Variants in PLG observed in about 807,000 individuals in gnomAD.
The protein encoded by PLG is plasminogen, also known as plasmin.
Under a neutral mutation model 104.4 loss-of-function variants are expected in PLG, and 41 were observed. That is an observed-to-expected ratio of 0.39 (90% CI 0.31 to 0.51). The LOEUF is 0.51. Ranked by LOEUF, PLG falls within the 20% of genes least tolerant of loss-of-function variation. PLG has a pLI of 0.76. For missense variants in PLG, 891 were observed against 1,003.6 expected, an observed-to-expected ratio of 0.89 and a Z score of 1.52; for synonymous variants, 337 against 357.1, an observed-to-expected ratio of 0.94 and a Z score of 0.63.
chr6:160,748,447 G>GAAAGAAAGAAA (rs1491160827), intron 17 of PLG, among the ~76,000 whole-genome samples: 1 of 36,020 alleles, frequency 2.8e-5, no homozygotes, highest in African/African-American at 1.3e-4. Flanking sequence ...AAAGAAGGGA[G>GAAAGAAAGAAA]GGAGGGAGGG....
chr6:160,711,796 C>G, intron 4 of PLG: 1 of 1,556,300 alleles, frequency 6.4e-7, no homozygotes, highest in South Asian at 1.2e-5. Flanking sequence ...GTAAGCATAT[C>G]AGGTTAGAAC....
rs575661029 is a variant in PLG at position 160,734,973 on chromosome 6, G to A, written c.1681+885G>A. Among the ~76,000 whole-genome samples the A allele has an allele frequency of 3.5e-4, 54 of 152,162 alleles. 1 individual carries two copies. The highest frequency in any genetic ancestry group is 1.3e-3 in the African/African-American group (52 of 41,478). On this transcript the variant is annotated intron_variant, in intron 13 of 18. Coordinates refer to ENST00000308192, the MANE Select transcript of PLG (RefSeq NM_000301.5). The surrounding 1 kb of genome is among the most constrained non-coding windows in gnomAD (Gnocchi z 4.4). The stretch of plus-strand genomic sequence containing the variant: ...GCATCCTGAGATTGCCTGGGAAGGT[G>A]GTACAGGGCAGTGATGAAGATCATG...
chr6:160,745,568 A>C (rs950912667), intron 17 of PLG, among the ~76,000 whole-genome samples: 3 of 152,156 alleles, frequency 2.0e-5, no homozygotes, highest in Non-Finnish European at 4.4e-5. Context: ...GGTCTCTTGA[A>C]GGTAGCATAC....
chr6:160,707,780 G>C lies in PLG; in HGVS notation c.266G>C (p.Arg89Thr), dbSNP rs143079629. The change falls in exon 3 of 19, where the codon AGA becomes ACA. Residue 89 changes from arginine to threonine, a missense_variant. By Grantham distance (71) the Arg-to-Thr change is moderately conservative. This residue lies in a region of PLG where 854 missense variants were observed against 932.1 expected (regional missense o/e 0.92). Coordinates refer to ENST00000308192, the MANE Select transcript of PLG (RefSeq NM_000301.5). ...NRKSSIIIRM[R>T]DVVLFEKKVY... ...AAGTCCTCCATAATCATTAGGATGA[G>C]AGATGTAGTTTTATTTGAAAAGAAA... 3.7e-6 allele frequency: 6 copies of C among 1,611,304 alleles called. No homozygotes were observed. Among genetic ancestry groups the C allele is most frequent in the Middle Eastern group, 2.2e-4 (1 of 4,452 alleles).
intron 2 of PLG, 103 bp downstream of exon 2, chr6:160,706,645 G>C (rs2115150713): frequency 8.3e-7 from 1 of 1,198,754 alleles, no homozygotes; most frequent in Non-Finnish European, 1.2e-6. Flanking sequence ...GAAATTTATG[G>C]AGCCAGAGTT....
Position 160,752,784 on chromosome 6 carries a change from T to C in PLG, c.2272-116T>C. ...ATGCTTGAGTAATATGCTCATAAGT[T>C]CCTTTCTGATTTCAATTACTGGGAA... is the stretch of plus-strand genomic sequence containing the variant. On this transcript the variant is annotated intron_variant, in intron 18 of 18. Transcript: ENST00000308192. This position sits in a 1 kb window ranked among gnomAD's most constrained non-coding sequence, Gnocchi z 4.7. 7.9e-7 allele frequency: 1 copy of C among 1,271,154 alleles called. No individual in the cohort carries two copies. The highest frequency in any genetic ancestry group is 1.1e-6 in the Non-Finnish European group (1 of 873,414). 78.7% of individuals were successfully genotyped at this position (1,271,154 alleles called of 1,614,324 possible).
At chr6:160,714,642 CCAATTT>C in intron 5 of PLG, 146 bp from the exon 6 acceptor site, 1 of 400,320 alleles carries the variant, frequency 2.5e-6, no homozygotes. Context: ...GTCCTTATTG[CCAATTT>C]TATTGCCAAG....
rs1252256392 is a variant in PLG at position 160,731,085 on chromosome 6, G to A, written c.1291G>A (p.Ala431Thr). 2 of 1,614,058 alleles carry A rather than the reference G, an allele frequency of 1.2e-6. No homozygotes were observed. Among genetic ancestry groups the A allele is most frequent in the Middle Eastern group, 1.7e-4 (1 of 6,048 alleles). Residue 431 changes from alanine (A) to threonine (T), a missense_variant, in exon 11 of 19, where the codon GCC becomes ACC. Coordinates refer to ENST00000308192, the MANE Select transcript of PLG (RefSeq NM_000301.5). The surrounding 1 kb of genome is among the most constrained non-coding windows in gnomAD (Gnocchi z 5.1). ...LTMNYCRNPD[A>T]DKGPWCFTTD... ...AATGAACTACTGCAGGAATCCAGAT[G>A]CCGATAAAGGCCCCTGGTGTTTTAC...
At chr6:160,743,438 G>A (rs1467165545) in intron 17 of PLG, among the ~76,000 whole-genome samples, 1 of 152,126 alleles carries the variant, frequency 6.6e-6, no homozygotes, top group Non-Finnish European at 1.5e-5. Flanking sequence ...ATGGGACTGT[G>A]TTCCTGATTT....
Position 160,718,633 on chromosome 6 carries a change from C to A in PLG, c.951-60C>A. The A allele has an allele frequency of 2.6e-6, 4 of 1,552,822 alleles. No homozygotes were observed. In the East Asian group the frequency reaches 6.7e-5, roughly 26 times the overall value. The stretch of plus-strand genomic sequence containing the variant: ...TTTCCCGTAACGGTTGTTCTCAAAG[C>A]GTGGTTCCCTAGACTTTTTTCTTTT... On this transcript the variant is annotated intron_variant, in intron 8 of 18. Coordinates refer to ENST00000308192, the MANE Select transcript of PLG (RefSeq NM_000301.5).
At position 160,704,609 on chromosome 6, in the gene PLG, C is replaced by T. The variant is rs565499618; in HGVS notation, c.50-1798C>T. Among the ~76,000 whole-genome samples the T allele has an allele frequency of 7.9e-5, 12 of 152,270 alleles. No individual in the cohort carries two copies. The East Asian group carries it at 2.1e-3, about 27-fold the overall frequency. ...TGCGGGGTAAAGACATGGATATGGG[C>T]CTAAAGCATCTATTTCTTTGTGATC... On this transcript the variant is annotated intron_variant, in intron 1 of 18. Coordinates refer to ENST00000308192, the MANE Select transcript of PLG (RefSeq NM_000301.5).
In PLG at chr6:160,735,038, G is replaced by C. The variant is rs59266595; in HGVS notation, c.1681+950G>C. On this transcript the variant is annotated intron_variant, in intron 13 of 18. Coordinates refer to ENST00000308192, the MANE Select transcript of PLG (RefSeq NM_000301.5). This position sits in a 1 kb window ranked among gnomAD's most constrained non-coding sequence, Gnocchi z 5.4. ...CAGCTTCGCATTTGGGCTTCTCCTA[G>C]GGACACCAAGAGGGAGGAAGGAGGG... is the stretch of plus-strand genomic sequence containing the variant. Among the ~76,000 whole-genome samples the C allele has an allele frequency of 3.4e-5, 5 of 148,848 alleles. No individual in the cohort carries two copies. The highest frequency in any genetic ancestry group is 4.4e-5 in the Non-Finnish European group (3 of 67,888).
At chr6:160,714,024 G>A (rs1020305810) in intron 5 of PLG, among the ~76,000 whole-genome samples, 1 of 152,122 alleles carries the variant, frequency 6.6e-6, no homozygotes, top group African/African-American at 2.4e-5. Context: ...CCACCTGTTC[G>A]AATCACGGGG....
rs1397497072 is a variant in PLG, at chr6:160,731,791, C to T, written c.1485C>T (p.Thr495=). The change falls in exon 12 of 19, where the codon ACC becomes ACT. Residue 495 remains threonine (T), a synonymous_variant. Coordinates refer to ENST00000308192, the MANE Select transcript of PLG (RefSeq NM_000301.5). The surrounding 1 kb of genome is among the most constrained non-coding windows in gnomAD (Gnocchi z 5.1). ...NGKGYRGKRA[T]TVTGTPCQDW... is the part of the protein sequence containing the mutation. ...AAGGATACCGAGGCAAGAGGGCGAC[C>T]ACTGTTACTGGGACGCCATGCCAGG... The T allele has an allele frequency of 1.2e-6, 2 of 1,613,764 alleles. No homozygotes were observed. Among genetic ancestry groups the T allele is most frequent in the East Asian group, 2.2e-5 (1 of 44,892 alleles).
At chr6:160,729,879 G>A (rs891931638) in intron 10 of PLG, among the ~76,000 whole-genome samples, 7 of 152,238 alleles carry the variant, frequency 4.6e-5, no homozygotes, top group African/African-American at 1.4e-4. Flanking sequence ...TTCACACTAT[G>A]TAAAAGTATA....
intron 3 of PLG, 28 bp from the exon 4 acceptor site, chr6:160,711,049 T>C (rs1196903946): frequency 1.2e-6 from 2 of 1,611,578 alleles, no homozygotes; most frequent in African/African-American, 2.7e-5. Flanking sequence ...TGTGAAAGAC[T>C]TTGACCACTG....
At chr6:160,717,416 G>T (rs1375390100) in intron 7 of PLG, among the ~76,000 whole-genome samples, 1 of 152,188 alleles carries the variant, frequency 6.6e-6, no homozygotes, top group Non-Finnish European at 1.5e-5. Context: ...TCCTTTGAAA[G>T]CGGAAGTTCC....
At chr6:160,709,654 T>G (rs957735960) in intron 3 of PLG, among the ~76,000 whole-genome samples, 4 of 152,210 alleles carry the variant, frequency 2.6e-5, no homozygotes, top group African/African-American at 9.6e-5. Context: ...TCAATCATCA[T>G]GTCCTTTGCA....
intron 9 of PLG, among the ~76,000 whole-genome samples, chr6:160,721,910 C>G (rs964979502): frequency 3.3e-5 from 5 of 152,244 alleles, no homozygotes; most frequent in African/African-American, 1.2e-4. Context: ...GCCTCCACCA[C>G]TCTCTGAGAA....
Sources: gnomAD v4.1 joint callset for allele counts (sites outside exome capture counted in the v4.1 genomes callset) on GRCh38, gnomAD v4.1.1 for gene constraint, gnomAD v4.1.1 regional missense constraint, Gnocchi (gnomAD v3.1) non-coding constraint, MANE v1.5 for transcripts, NCBI Gene and HGNC (gene_info 2026-07-23, HGNC 2026-07-21) for gene names.